The following PEX5L variants were observed in gnomAD, a reference collection of about 807,000 sequenced individuals.
The protein encoded by PEX5L is PEX5-related protein.
Under a neutral mutation model 84.0 loss-of-function variants are expected in PEX5L, and 30 were observed. That is an observed-to-expected ratio of 0.36 (90% CI 0.27 to 0.48). The LOEUF is 0.48. PEX5L is among the 20% of genes least tolerant of loss of function. PEX5L has a pLI of 0.99. For synonymous variants in PEX5L, 270 were observed against 283.1 expected (o/e 0.95, Z 0.46); for missense variants, 533 against 754.6 (o/e 0.71, Z 3.44).
At chr3:179,968,597 C>T (rs1298965165) in intron 2 of PEX5L, among the ~76,000 whole-genome samples, 1 of 151,894 alleles carries the variant, frequency 6.6e-6, no homozygotes, top group Non-Finnish European at 1.5e-5. Context: ...CCAATACATT[C>T]CCTTTGATTA....
intron 2 of PEX5L, among the ~76,000 whole-genome samples, chr3:179,944,152 G>A (rs1036422747): frequency 1.1e-4 from 17 of 152,162 alleles, no homozygotes; most frequent in Non-Finnish European, 2.5e-4. Flanking sequence ...AAATTTTAGG[G>A]AATGGAGGGA....
chr3:179,980,643 A>C (rs749760184), intron 1 of PEX5L, among the ~76,000 whole-genome samples: 17 of 152,316 alleles, frequency 1.1e-4, no homozygotes, highest in Admixed American at 6.5e-4. Flanking sequence ...TGAATAAAGA[A>C]TTCTATACTC....
At chr3:179,873,517 A>G (rs1310513804) in intron 7 of PEX5L, among the ~76,000 whole-genome samples, 1 of 152,178 alleles carries the variant, frequency 6.6e-6, no homozygotes, top group Non-Finnish European at 1.5e-5. Flanking sequence ...AAGGGAATGA[A>G]AAGATTGAGA....
intron 8 of PEX5L, 47 bp from the exon 9 acceptor site, chr3:179,820,023 C>T: frequency 6.2e-7 from 1 of 1,611,954 alleles, no homozygotes; most frequent in Non-Finnish European, 8.5e-7. Context: ...GAACATGCCA[C>T]ATCATCTGTG....
At chr3:179,923,257 C>CGAG (rs2109450355) in intron 2 of PEX5L, among the ~76,000 whole-genome samples, 1 of 140,294 alleles carries the variant, frequency 7.1e-6, no homozygotes, top group South Asian at 2.3e-4. Context: ...CGCCACTGCA[C>CGAG]TCCAGCCTGG....
chr3:179,903,049 AATTTTTTTAAAAAAATTATTTT>A (rs1233221907), intron 2 of PEX5L, among the ~76,000 whole-genome samples: 2 of 152,142 alleles, frequency 1.3e-5, no homozygotes, highest in Non-Finnish European at 2.9e-5. Context: ...TATTTTCATG[AATTTTTTTAAAAAAATTATTTT>A]ATTTTATAAT....
intron 2 of PEX5L, among the ~76,000 whole-genome samples, chr3:179,963,701 T>C (rs766552681): frequency 3.9e-5 from 6 of 152,202 alleles, no homozygotes; most frequent in African/African-American, 7.2e-5. Context: ...AAAATTCCTA[T>C]GTGTGGTGAC....
At chr3:180,013,313 GT>G (rs1166970443) in intron 1 of PEX5L, among the ~76,000 whole-genome samples, 1 of 152,028 alleles carries the variant, frequency 6.6e-6, no homozygotes, top group Non-Finnish European at 1.5e-5. Flanking sequence ...TCAATACTTC[GT>G]TTTTCTCATA....
intron 1 of PEX5L, among the ~76,000 whole-genome samples, chr3:180,026,133 CTT>C (rs368852075): frequency 0.17 from 17,084 of 101,524 alleles, 765 homozygotes; most frequent in African/African-American, 0.27. Context: ...TTTCAGCATT[CTT>C]TTTTTTTTTT....
chr3:179,978,208 T>G (rs1349764080), intron 1 of PEX5L, among the ~76,000 whole-genome samples: 4 of 152,200 alleles, frequency 2.6e-5, no homozygotes, highest in Non-Finnish European at 5.9e-5. Context: ...TAATGCTGGT[T>G]TTTCTACCTT....
Position 179,966,110 on chromosome 3 carries a change from C to T in PEX5L, c.93+5484G>A, listed in dbSNP as rs182175220. Among the ~76,000 whole-genome samples the T allele has an allele frequency of 9.2e-5, 14 of 152,240 alleles. No homozygotes were observed. The East Asian group carries it at 2.1e-3, about 23-fold the overall frequency. ...TTCTTTTCATTCAATTATTTTTCATCGATCAATCTTTCCTGAGGAAAACAC... is the reference window on the plus strand; with the variant it reads ...TTCTTTTCATTCAATTATTTTTCATTGATCAATCTTTCCTGAGGAAAACAC... On this transcript the variant is annotated intron_variant, in intron 2 of 14. Transcript: ENST00000467460.
Position 179,800,277 on chromosome 3 carries a change from T to C in PEX5L, c.*1551A>G, listed in dbSNP as rs1718478104. 1 of 152,216 alleles carries C rather than the reference T, an allele frequency of 6.6e-6. No individual in the cohort carries two copies. Among genetic ancestry groups the C allele is most frequent in the Non-Finnish European group, 1.5e-5 (1 of 68,038 alleles). The allele number at this position is 152,216 out of a possible 1,614,324, so 9.4% of individuals were successfully genotyped here. On this transcript the variant is annotated 3_prime_UTR_variant, in exon 15 of 15. Coordinates refer to ENST00000467460, the MANE Select transcript of PEX5L (RefSeq NM_016559.3). ...AGTCTTTTTTGTTGTTGTTGTTTTA[T>C]TTTTTGTGGGTAGCTATAATCATGA...
chr3:179,944,450 G>A (rs1776977059), intron 2 of PEX5L, among the ~76,000 whole-genome samples: 1 of 152,096 alleles, frequency 6.6e-6, no homozygotes, highest in Non-Finnish European at 1.5e-5. Context: ...ATGATAATGG[G>A]GATAAAAATG....
At chr3:179,876,546 T>C (rs1481219669) in intron 5 of PEX5L, among the ~76,000 whole-genome samples, 2 of 152,000 alleles carry the variant, frequency 1.3e-5, no homozygotes, top group African/African-American at 2.4e-5. Context: ...AGGTCTTTTT[T>C]CCCCTTCTTT....
At position 179,797,602 on chromosome 3, in the gene PEX5L, AAAAATATATAT is replaced by A. The variant is rs1173097527; in HGVS notation, c.*4215_*4225del. 5.2e-4 allele frequency: 59 copies of A among 112,560 alleles called. No individual in the cohort carries two copies. The highest frequency in any genetic ancestry group is 1.9e-3 in the African/African-American group (51 of 26,430). The allele number at this position is 112,560 out of a possible 1,614,324, so 7.0% of individuals were successfully genotyped here. On this transcript the variant is annotated 3_prime_UTR_variant, in exon 15 of 15. Coordinates refer to ENST00000467460, the MANE Select transcript of PEX5L (RefSeq NM_016559.3). ...ATGAACACTCTTTAAAAAAAAAAAAAAAAATATATATATATATATATATATATATCTACTTC... is the reference window on the plus strand; with the variant it reads ...ATGAACACTCTTTAAAAAAAAAAAAAATATATATATATATATATCTACTTC...
intron 1 of PEX5L, 105 bp downstream of exon 1, chr3:180,036,474 T>C: frequency 9.5e-7 from 1 of 1,049,018 alleles, no homozygotes; most frequent in Non-Finnish European, 1.5e-6. Context: ...TCACTTCACT[T>C]GTTGAGCTGT....
At chr3:179,896,928 A>C (rs1759513482) in intron 3 of PEX5L, among the ~76,000 whole-genome samples, 1 of 152,136 alleles carries the variant, frequency 6.6e-6, no homozygotes, top group African/African-American at 2.4e-5. Flanking sequence ...TTTCTTTCCA[A>C]TGATTACCAT....
intron 7 of PEX5L, among the ~76,000 whole-genome samples, chr3:179,859,711 C>G (rs1560418817): frequency 6.6e-6 from 1 of 152,156 alleles, no homozygotes; most frequent in Non-Finnish European, 1.5e-5. Flanking sequence ...TGTCTCATTT[C>G]TTAGGATATT....
In PEX5L at chr3:179,930,991, G is replaced by A. The variant is rs1772939046; in HGVS notation, c.94-32745C>T. 2.0e-5 allele frequency among the ~76,000 whole-genome samples: 3 copies of A among 152,166 alleles called. No homozygotes were observed. In the South Asian group the frequency reaches 6.2e-4, roughly 32 times the overall value. The stretch of plus-strand genomic sequence containing the variant: ...CCTGTTCAGCCTTGTATTTCCAGCA[G>A]TAGCCTATAAGACAGTACATACCTA... On this transcript the variant is annotated intron_variant, in intron 2 of 14. Coordinates refer to ENST00000467460, the MANE Select transcript of PEX5L (RefSeq NM_016559.3).
Sources: gnomAD v4.1 joint callset for allele counts (sites outside exome capture counted in the v4.1 genomes callset) on GRCh38, gnomAD v4.1.1 for gene constraint, MANE v1.5 for transcripts, NCBI Gene and HGNC (gene_info 2026-07-23, HGNC 2026-07-21) for gene names.